The following SENP5 variants were observed in gnomAD, a reference collection of about 807,000 sequenced individuals.
The protein encoded by SENP5 is sentrin-specific protease 5.
Under a neutral mutation model 74.2 loss-of-function variants are expected in SENP5, and 21 were observed. That is an observed-to-expected ratio of 0.28 (90% CI 0.20 to 0.41). SENP5 has a LOEUF of 0.41. Among genes scored for constraint, SENP5 ranks in the 10% least tolerant of loss-of-function variants. The pLI is 1.00. For synonymous variants in SENP5, 311 were observed against 312.7 expected (o/e 0.99, Z 0.06); for missense variants, 717 against 889.1 (o/e 0.81, Z 2.46).
intron 5 of SENP5, among the ~76,000 whole-genome samples, chr3:196,901,631 C>T (rs114949015): frequency 6.8e-4 from 103 of 152,054 alleles, no homozygotes; most frequent in African/African-American, 1.9e-3. Flanking sequence ...ATTCTGATAC[C>T]GTTTATGAAT....
rs532326286 is a variant in SENP5 at position 196,909,025 on chromosome 3, A to G, written c.1884+5415A>G. ...CAAAAAATACCTCTAGCTAAACTAAAGAAGAAAAGAGAGAAGAATCAAATA... is the reference window on the plus strand; with the variant it reads ...CAAAAAATACCTCTAGCTAAACTAAGGAAGAAAAGAGAGAAGAATCAAATA... On this transcript the variant is annotated intron_variant, in intron 6 of 9. Transcript: ENST00000323460. Among the ~76,000 whole-genome samples the G allele has an allele frequency of 3.9e-5, 6 of 152,198 alleles. No individual in the cohort carries two copies. The South Asian group carries it at 1.2e-3, about 31-fold the overall frequency.
intron 6 of SENP5, among the ~76,000 whole-genome samples, chr3:196,921,430 T>G (rs28409343): frequency 6.6e-6 from 1 of 152,184 alleles, no homozygotes; most frequent in Non-Finnish European, 1.5e-5. Context: ...TATGTCTATG[T>G]TAGTGTGTTA....
intron 2 of SENP5, among the ~76,000 whole-genome samples, chr3:196,896,235 C>T (rs893477523): frequency 5.9e-5 from 9 of 152,100 alleles, no homozygotes; most frequent in Non-Finnish European, 1.3e-4. Flanking sequence ...TCTTGGCCCA[C>T]AGATATTAAA....
chr3:196,883,503 G>T (rs1263628716), intron 1 of SENP5, among the ~76,000 whole-genome samples: 1 of 152,110 alleles, frequency 6.6e-6, no homozygotes, highest in African/African-American at 2.4e-5. Context: ...ACTATCCTGG[G>T]TCATCCTCCT....
intron 6 of SENP5, chr3:196,912,496 G>C (rs1052594815): frequency 1.3e-5 from 2 of 152,136 alleles, no homozygotes; most frequent in Admixed American, 1.3e-4. Flanking sequence ...CTAGATGACA[G>C]CGGGGTGCGG....
Position 196,912,387 on chromosome 3 carries a change from T to C in SENP5, c.1884+8777T>C, listed in dbSNP as rs148097389. On this transcript the variant is annotated intron_variant, in intron 6 of 9. Coordinates refer to ENST00000323460, the MANE Select transcript of SENP5 (RefSeq NM_152699.5). ...GTTGTACAATAAGAACACATGGACA[T>C]AGGGAGGGGAACAACATACACCGGG... 5.1e-3 allele frequency among the ~76,000 whole-genome samples: 778 copies of C among 151,666 alleles called. 5 individuals are homozygous for C. The highest frequency in any genetic ancestry group is 0.017 in the African/African-American group (702 of 41,316).
At position 196,931,419 on chromosome 3, in the gene SENP5, GCAACTTTCA is replaced by G. The variant is rs1433580956; in HGVS notation, c.*498_*506del. ...CCAGTCCTGTTTTACTTTACCAGCGGCAACTTTCACCAACTTCCCTCTCCAAGTGAGTCT... is the reference window on the plus strand; with the variant it reads ...CCAGTCCTGTTTTACTTTACCAGCGGCCAACTTCCCTCTCCAAGTGAGTCT... On this transcript the variant is annotated 3_prime_UTR_variant, in exon 10 of 10. Transcript: ENST00000323460. 4 of 157,268 alleles carry G rather than the reference GCAACTTTCA, an allele frequency of 2.5e-5. No homozygotes were observed. The highest frequency in any genetic ancestry group is 2.5e-4 in the Admixed American group (4 of 15,774). The allele number at this position is 157,268 out of a possible 1,614,324, so 9.7% of individuals were successfully genotyped here.
chr3:196,880,924 A>T (rs1476792355), intron 1 of SENP5, among the ~76,000 whole-genome samples: 2 of 150,754 alleles, frequency 1.3e-5, no homozygotes, highest in African/African-American at 4.9e-5. Context: ...TACAGGCATG[A>T]GCCACCGCGC....
At chr3:196,893,928 T>A (rs1005697114) in intron 2 of SENP5, among the ~76,000 whole-genome samples, 3 of 141,998 alleles carry the variant, frequency 2.1e-5, no homozygotes, top group South Asian at 2.2e-4. Flanking sequence ...AAAAAAAAAA[T>A]TTAGTGTGTT....
At chr3:196,916,473 TAACACAGAGAAGGAATTTAG>T (rs1402982216) in intron 6 of SENP5, among the ~76,000 whole-genome samples, 1 of 151,076 alleles carries the variant, frequency 6.6e-6, no homozygotes, top group East Asian at 1.9e-4. Flanking sequence ...AATTTCAAAA[TAACACAGAGAAGGAATTTAG>T]AATCCTGTCA....
intron 6 of SENP5, among the ~76,000 whole-genome samples, chr3:196,920,266 T>C (rs1418552855): frequency 6.6e-5 from 10 of 152,246 alleles, no homozygotes; most frequent in Non-Finnish European, 1.5e-4. Flanking sequence ...ATCTTACATA[T>C]ACATTCTTGT....
intron 6 of SENP5, among the ~76,000 whole-genome samples, chr3:196,920,466 A>G (rs61100619): frequency 0.016 from 2,410 of 152,274 alleles, 57 homozygotes; most frequent in African/African-American, 0.053. Context: ...ATTTTCATAG[A>G]CACTTATAAG....
At chr3:196,871,194 A>T (rs1439161466) in intron 1 of SENP5, among the ~76,000 whole-genome samples, 1 of 152,132 alleles carries the variant, frequency 6.6e-6, no homozygotes, top group African/African-American at 2.4e-5. Flanking sequence ...AAAACAAGTG[A>T]TGGTAACACA....
chr3:196,894,738 G>A (rs1297754814), intron 2 of SENP5, among the ~76,000 whole-genome samples: 3 of 151,938 alleles, frequency 2.0e-5, no homozygotes, highest in Non-Finnish European at 4.4e-5. Context: ...ACAGGACCTG[G>A]CGCTCCTTAT....
At chr3:196,893,476 T>A (rs1418865941) in intron 2 of SENP5, among the ~76,000 whole-genome samples, 6 of 152,158 alleles carry the variant, frequency 3.9e-5, no homozygotes, top group Non-Finnish European at 8.8e-5. Flanking sequence ...CTAGGATAGA[T>A]CAAGAGTTTT....
At chr3:196,873,844 C>T (rs1427801245) in intron 1 of SENP5, among the ~76,000 whole-genome samples, 1 of 151,916 alleles carries the variant, frequency 6.6e-6, no homozygotes, top group Non-Finnish European at 1.5e-5. Context: ...TCTCAAAAAA[C>T]AAAACAAAAC....
intron 1 of SENP5, among the ~76,000 whole-genome samples, chr3:196,882,985 G>C (rs912615879): frequency 2.7e-5 from 4 of 150,092 alleles, no homozygotes; most frequent in African/African-American, 7.4e-5. Flanking sequence ...TCTTCAGTCT[G>C]CTTGTATGGG....
At chr3:196,929,736 G>T in intron 9 of SENP5, 53 bp downstream of exon 9, 2 of 1,234,664 alleles carry the variant, frequency 1.6e-6, no homozygotes, top group African/African-American at 1.5e-5. Context: ...GAGTCTGTTG[G>T]GTTGAGAGGG....
At chr3:196,876,428 G>C (rs1713470249) in intron 1 of SENP5, among the ~76,000 whole-genome samples, 2 of 150,908 alleles carry the variant, frequency 1.3e-5, no homozygotes, top group Admixed American at 1.3e-4. Flanking sequence ...TGAGGCAGGA[G>C]AATGGCGTGA....
Sources: allele counts gnomAD v4.1 joint callset (sites outside exome capture counted in the v4.1 genomes callset), GRCh38; gene constraint gnomAD v4.1.1; transcripts MANE v1.5; gene names NCBI Gene and HGNC (gene_info 2026-07-23, HGNC 2026-07-21).